DMD: variants seen among roughly 807,000 people sequenced by gnomAD.
The protein encoded by DMD is mutant dystrophin.
A neutral mutation model predicts 330.1 loss-of-function variants in DMD; 63 were observed. The ratio of observed to expected loss-of-function variants is 0.19; its 90% CI spans 0.16 to 0.24. The LOEUF is 0.24. Among genes scored for constraint, DMD ranks in the 10% least tolerant of loss-of-function variants. The pLI is 1.00. For synonymous variants in DMD, 1,223 were observed against 959.8 expected, an observed-to-expected ratio of 1.27 and a Z score of -5.07; for missense variants, 3,344 against 2,684.1, an observed-to-expected ratio of 1.25 and a Z score of -5.43.
intron 59 of DMD, among the ~76,000 whole-genome samples, chrX:31,447,210 T>TC (rs1432267153): frequency 1.8e-5 from 2 of 110,906 alleles, no homozygotes; most frequent in African/African-American, 6.5e-5. Context: ...TCTTTTTTTT[T>TC]CTTTTTAAAA....
At chrX:31,748,326 T>A (rs1227299374) in intron 51 of DMD, among the ~76,000 whole-genome samples, 3 of 111,841 alleles carry the variant, frequency 2.7e-5, no homozygotes, top group African/African-American at 9.8e-5. Context: ...TGAAGAGGTG[T>A]TGGGAGCATT....
intron 51 of DMD, among the ~76,000 whole-genome samples, chrX:31,769,298 T>G (rs2090191706): frequency 1.8e-5 from 2 of 112,469 alleles, no homozygotes; most frequent in African/African-American, 6.5e-5. Context: ...GGAATTATAA[T>G]CCTCACATTC....
chrX:33,050,442 G>C (rs1372413272), intron 1 of DMD, among the ~76,000 whole-genome samples: 1 of 111,462 alleles, frequency 9.0e-6, no homozygotes, highest in Non-Finnish European at 1.9e-5. Context: ...CAAAAATACC[G>C]CTGGAAAAAA....
At chrX:31,868,194 G>T (rs778113645) in intron 48 of DMD, among the ~76,000 whole-genome samples, 1 of 112,141 alleles carries the variant, frequency 8.9e-6, no homozygotes, top group Admixed American at 9.5e-5. Flanking sequence ...AGCAAGACAA[G>T]AATTAACTAC....
intron 41 of DMD, among the ~76,000 whole-genome samples, chrX:32,336,040 ACGTGT>A (rs2097712387): frequency 9.7e-6 from 1 of 102,869 alleles, no homozygotes; most frequent in African/African-American, 3.7e-5. Context: ...GTTATATATA[ACGTGT>A]ATATATAACG....
intron 55 of DMD, among the ~76,000 whole-genome samples, chrX:31,600,510 GTTTTTTTTTTTTT>G (rs1177947507): frequency 2.0e-5 from 1 of 50,489 alleles, no homozygotes; most frequent in Non-Finnish European, 3.6e-5. Context: ...GCCAACTATG[GTTTTTTTTTTTTT>G]TTTTTTTTTT....
intron 42 of DMD, among the ~76,000 whole-genome samples, chrX:32,292,052 CAA>C (rs766285929): frequency 9.0e-6 from 1 of 110,617 alleles, no homozygotes; most frequent in Non-Finnish European, 1.9e-5. Context: ...TAGCCCAGAG[CAA>C]AGTCTCTGTC....
At chrX:32,181,656 A>G (rs1001843101) in intron 44 of DMD, among the ~76,000 whole-genome samples, 3 of 111,726 alleles carry the variant, frequency 2.7e-5, no homozygotes, top group Non-Finnish European at 5.6e-5. Flanking sequence ...TTTTTTGATA[A>G]CTTCAGAAGA....
intron 52 of DMD, among the ~76,000 whole-genome samples, chrX:31,717,255 T>G (rs770677675): frequency 5.3e-4 from 59 of 111,988 alleles, no homozygotes; most frequent in Non-Finnish European, 9.8e-4. Flanking sequence ...CAGTTTCAAA[T>G]TGTCTGAAAT....
chrX:32,748,154 C>T (rs774928781), intron 7 of DMD, among the ~76,000 whole-genome samples: 9 of 109,435 alleles, frequency 8.2e-5, no homozygotes, highest in Non-Finnish European at 1.1e-4. Flanking sequence ...ACCAGCCTGG[C>T]CAACATGGCA....
chrX:32,462,821 T>C (rs2098388271), intron 25 of DMD, among the ~76,000 whole-genome samples: 1 of 110,363 alleles, frequency 9.1e-6, no homozygotes, highest in South Asian at 3.9e-4. Flanking sequence ...TAGCCAGGCA[T>C]GGTGGCACAC....
chrX:31,796,491 G>C (rs1197750601), intron 50 of DMD, among the ~76,000 whole-genome samples: 1 of 112,113 alleles, frequency 8.9e-6, no homozygotes, highest in East Asian at 2.8e-4. Context: ...TACATATCCT[G>C]AGTTAGAAAT....
chrX:31,122,003 C>T (rs995486559), intron 78 of DMD, 73 bp from the exon 79 acceptor site: 1 of 824,580 alleles, frequency 1.2e-6, no homozygotes, highest in African/African-American at 2.0e-5. Context: ...GTTTCTTTGC[C>T]ATTTGGGAAA....
rs191059995 is a variant in DMD at position 32,629,872 on chromosome X, T to C, written c.1331+14260A>G. Among the ~76,000 whole-genome samples, 344 of 111,221 alleles carry C rather than the reference T, an allele frequency of 3.1e-3. 5 individuals are homozygous for C. The highest frequency in any genetic ancestry group is 0.011 in the African/African-American group (332 of 30,728). ...TGTTGTTTCTATTTATATCTTATTA[T>C]AGTGTCTATGTCTTGAAAAGTTGTT... On this transcript the variant is annotated intron_variant, in intron 11 of 78. Coordinates refer to ENST00000357033, the MANE Select transcript of DMD (RefSeq NM_004006.3).
At chrX:31,282,943 A>G (rs1397124119) in intron 62 of DMD, among the ~76,000 whole-genome samples, 1 of 112,111 alleles carries the variant, frequency 8.9e-6, no homozygotes, top group Non-Finnish European at 1.9e-5. Flanking sequence ...CATAATATCT[A>G]TATGTATTTT....
chrX:31,990,048 G>A (rs769493381), intron 44 of DMD, among the ~76,000 whole-genome samples: 1 of 111,575 alleles, frequency 9.0e-6, no homozygotes, highest in Non-Finnish European at 1.9e-5. Context: ...TGTACAAAGG[G>A]TTTCTTTACG....
At chrX:31,994,831 T>C (rs763878494) in intron 44 of DMD, among the ~76,000 whole-genome samples, 38 of 112,356 alleles carry the variant, frequency 3.4e-4, no homozygotes, top group Admixed American at 5.6e-4. Context: ...TCCCTGTTGA[T>C]CTCTTCATTG....
intron 44 of DMD, among the ~76,000 whole-genome samples, chrX:31,992,380 C>T (rs1311920418): frequency 9.0e-6 from 1 of 111,381 alleles, no homozygotes; most frequent in Non-Finnish European, 1.9e-5. Flanking sequence ...AAAATTAGGG[C>T]ATTGCCTCCA....
intron 1 of DMD, among the ~76,000 whole-genome samples, chrX:33,236,732 A>G (rs1278699704): frequency 9.0e-6 from 1 of 111,086 alleles, no homozygotes; most frequent in African/African-American, 3.3e-5. Context: ...ATCAAACACC[A>G]GGGCAGAATG....
Sources: allele counts gnomAD v4.1 joint callset (sites outside exome capture counted in the v4.1 genomes callset), GRCh38; gene constraint gnomAD v4.1.1; transcripts MANE v1.5; gene names NCBI Gene and HGNC (gene_info 2026-07-23, HGNC 2026-07-21).